CEP85L: variants seen among roughly 807,000 people sequenced by gnomAD.
CEP85L encodes the protein centrosomal protein of 85 kDa-like.
A neutral mutation model predicts 100.3 loss-of-function variants in CEP85L; 60 were observed. The ratio of observed to expected loss-of-function variants is 0.60; its 90% CI spans 0.49 to 0.74. The LOEUF (loss-of-function observed/expected upper bound fraction) is 0.74, where lower values mean the gene tolerates loss of function less well. Ranked by LOEUF, CEP85L falls within the 30% of genes least tolerant of loss-of-function variation. The pLI, the probability that CEP85L is intolerant of heterozygous loss-of-function variation, is 0.00. For synonymous variants in CEP85L, 319 were observed against 322.7 expected (o/e 0.99, Z 0.12); for missense variants, 973 against 936.2 (o/e 1.04, Z -0.51).
chr6:118,627,437 C>T (rs1773875040), intron 2 of CEP85L, among the ~76,000 whole-genome samples: 1 of 152,060 alleles, frequency 6.6e-6, no homozygotes, highest in Non-Finnish European at 1.5e-5. Context: ...TCTTAGATCC[C>T]AAAGAGAACT....
At chr6:118,622,830 A>G (rs1773539482) in intron 2 of CEP85L, among the ~76,000 whole-genome samples, 2 of 152,376 alleles carry the variant, frequency 1.3e-5, no homozygotes, top group African/African-American at 4.8e-5. Context: ...AAGGAGAAGC[A>G]GCAGAAGGAA....
In CEP85L at chr6:118,553,215, TA is replaced by T. The variant is rs59502810; in HGVS notation, c.1020+12313del. ...TTAAACAGCTTAGCTGTTAAGAAAT[TA>T]AAAAAAAAAAAAAAAAGGAAACTCA... On this transcript the variant is annotated intron_variant, in intron 3 of 12. Coordinates refer to ENST00000368491, the MANE Select transcript of CEP85L (RefSeq NM_001042475.3). Among the ~76,000 whole-genome samples the T allele has an allele frequency of 8.7e-3, 1,213 of 138,862 alleles. 18 individuals carry two copies. Among genetic ancestry groups the T allele is most frequent in the East Asian group, 0.069 (320 of 4,660 alleles). 91.1% of individuals were successfully genotyped at this position (138,862 alleles called of 152,430 possible).
At chr6:118,684,056 A>T (rs1339401861) in intron 1 of CEP85L, among the ~76,000 whole-genome samples, 10 of 152,244 alleles carry the variant, frequency 6.6e-5, no homozygotes, top group Admixed American at 6.5e-4. Flanking sequence ...TATACTAAAC[A>T]TCCATCCCAA....
chr6:118,501,788 G>T, intron 5 of CEP85L: 1 of 1,049,546 alleles, frequency 9.5e-7, no homozygotes, highest in Non-Finnish European at 1.5e-6. Context: ...TCACAGAGTG[G>T]GGAGGATGGA....
At chr6:118,470,977 A>T (rs554726736) in intron 10 of CEP85L, among the ~76,000 whole-genome samples, 145 of 152,214 alleles carry the variant, frequency 9.5e-4, no homozygotes, top group Non-Finnish European at 1.8e-3. Flanking sequence ...TATTTCATTA[A>T]CTTTTTATAT....
intron 1 of CEP85L, among the ~76,000 whole-genome samples, chr6:118,679,549 T>C (rs537000624): frequency 1.3e-5 from 2 of 152,346 alleles, no homozygotes; most frequent in South Asian, 4.1e-4. Flanking sequence ...AGTTGTAACT[T>C]TGCCTAACAT....
intron 1 of CEP85L, among the ~76,000 whole-genome samples, chr6:118,683,986 G>C (rs1341395063): frequency 1.3e-5 from 2 of 152,100 alleles, no homozygotes; most frequent in African/African-American, 4.8e-5. Context: ...GAAAATTAAT[G>C]TGTAACTTTT....
intron 10 of CEP85L, among the ~76,000 whole-genome samples, chr6:118,471,696 C>T (rs891679432): frequency 1.7e-4 from 25 of 150,184 alleles, no homozygotes; most frequent in African/African-American, 5.9e-4. Context: ...AGAAGTTGGA[C>T]AGAAATGAAT....
At chr6:118,699,548 A>G (rs1384813944) in intron 1 of CEP85L, among the ~76,000 whole-genome samples, 2 of 151,960 alleles carry the variant, frequency 1.3e-5, no homozygotes, top group African/African-American at 4.8e-5. Context: ...CCATTATTCA[A>G]CTGAATTAGG....
chr6:118,643,606 AG>A (rs1443654135), intron 1 of CEP85L, among the ~76,000 whole-genome samples: 1 of 152,234 alleles, frequency 6.6e-6, no homozygotes, highest in East Asian at 1.9e-4. Flanking sequence ...CTCTCTTTAA[AG>A]GAACTTAAAA....
chr6:118,531,154 A>G (rs971312454), intron 3 of CEP85L, among the ~76,000 whole-genome samples: 7 of 152,222 alleles, frequency 4.6e-5, no homozygotes, highest in Non-Finnish European at 1.0e-4. Flanking sequence ...GTACAGAAAC[A>G]GACACACAGA....
intron 1 of CEP85L, among the ~76,000 whole-genome samples, chr6:118,709,794 G>A (rs1777728123): frequency 6.6e-6 from 1 of 152,092 alleles, no homozygotes; most frequent in South Asian, 2.1e-4. Context: ...TGACAGGGCT[G>A]CTTATCAGGA....
At chr6:118,550,534 G>A (rs570004639) in intron 3 of CEP85L, among the ~76,000 whole-genome samples, 2 of 151,574 alleles carry the variant, frequency 1.3e-5, no homozygotes, top group African/African-American at 4.8e-5. Context: ...TATTTCATTT[G>A]GTCCTCTTAA....
intron 2 of CEP85L, among the ~76,000 whole-genome samples, chr6:118,592,329 CT>C (rs34976343): frequency 0.2 from 23,833 of 121,522 alleles, 1,493 homozygotes; most frequent in African/African-American, 0.21. Flanking sequence ...TCCTCTAGGT[CT>C]TTTTTTTTTT....
intron 5 of CEP85L, among the ~76,000 whole-genome samples, chr6:118,499,042 A>T (rs1486559891): frequency 1.3e-5 from 2 of 152,268 alleles, no homozygotes; most frequent in African/African-American, 2.4e-5. Context: ...AGAGAAATTT[A>T]AAAATGTCAA....
intron 2 of CEP85L, among the ~76,000 whole-genome samples, chr6:118,568,895 T>G (rs925592522): frequency 6.6e-6 from 1 of 152,106 alleles, no homozygotes; most frequent in Non-Finnish European, 1.5e-5. Context: ...GTATTAATAT[T>G]ACTAAAGGAG....
At chr6:118,595,560 G>A (rs547243829) in intron 2 of CEP85L, among the ~76,000 whole-genome samples, 1 of 152,100 alleles carries the variant, frequency 6.6e-6, no homozygotes, top group African/African-American at 2.4e-5. Context: ...ATATATATAA[G>A]TGAATAAATG....
chr6:118,607,158 G>A (rs1400898204), intron 2 of CEP85L, among the ~76,000 whole-genome samples: 2 of 152,200 alleles, frequency 1.3e-5, no homozygotes, highest in South Asian at 4.2e-4. Flanking sequence ...TATCAAACTG[G>A]CAAGGCTTAA....
intron 3 of CEP85L, among the ~76,000 whole-genome samples, chr6:118,526,478 T>C (rs1030738381): frequency 6.6e-6 from 1 of 152,128 alleles, no homozygotes; most frequent in Non-Finnish European, 1.5e-5. Context: ...CTACCTACAA[T>C]CTTATTTATA....
Sources: gnomAD v4.1 joint callset for allele counts (sites outside exome capture counted in the v4.1 genomes callset) on GRCh38, gnomAD v4.1.1 for gene constraint, MANE v1.5 for transcripts, NCBI Gene and HGNC (gene_info 2026-07-23, HGNC 2026-07-21) for gene names.